MYCBPAP: variants seen among roughly 807,000 people sequenced by gnomAD.
MYCBPAP encodes MYCBP-associated protein.
MYCBPAP carries 60 observed loss-of-function variants against 106.1 expected under a neutral mutation model. The ratio of observed to expected loss-of-function variants is 0.57; its 90% CI spans 0.46 to 0.70. MYCBPAP has a LOEUF of 0.70. Ranked by LOEUF, MYCBPAP falls within the 30% of genes least tolerant of loss-of-function variation. MYCBPAP has a pLI of 0.00. For missense variants in MYCBPAP, 1,064 were observed against 1,169.3 expected (o/e 0.91, Z 1.31); for synonymous variants, 407 against 440.6 (o/e 0.92, Z 0.95).
Position 50,529,014 on chromosome 17 carries a change from G to T in MYCBPAP, c.2554-4G>T. ...AGGCTATGTGTGTCTCCCTCCCCCA[G>T]CAGGACCGTCCCAACAGCAAGAAGC... is the stretch of plus-strand genomic sequence containing the variant. On this transcript the variant is annotated splice_polypyrimidine_tract_variant and splice_region_variant and intron_variant, in intron 17 of 18. Transcript: ENST00000323776. 5 of 1,613,352 alleles carry T rather than the reference G, an allele frequency of 3.1e-6. No individual in the cohort carries two copies. Among genetic ancestry groups the T allele is most frequent in the Non-Finnish European group, 4.2e-6 (5 of 1,179,620 alleles).
intron 1 of MYCBPAP, 104 bp from the exon 2 acceptor site, chr17:50,516,466 A>G: frequency 2.4e-6 from 3 of 1,265,534 alleles, no homozygotes; most frequent in Non-Finnish European, 3.2e-6. Context: ...TCTGCCCCCC[A>G]CCATGGAGTC....
Position 50,517,323 on chromosome 17 carries a change from G to A in MYCBPAP, c.235G>A (p.Asp79Asn). 1 of 1,614,098 alleles carries A rather than the reference G, an allele frequency of 6.2e-7. No individual in the cohort carries two copies. The highest frequency in any genetic ancestry group is 8.5e-7 in the Non-Finnish European group (1 of 1,180,020). ...QHIPRLTEKEDKRVITQKFII... is the reference protein window; with the variant it reads ...QHIPRLTEKENKRVITQKFII... ...CATTCCTCGCCTTACTGAAAAGGAA[G>A]ATAAACGTGTCATCACCCAGAAATT... Residue 79 changes from aspartate to asparagine, a missense_variant, in exon 3 of 19, where the codon GAT (aspartate) becomes AAT (asparagine). By Grantham distance (23) the Asp-to-Asn change is conservative. Coordinates refer to ENST00000323776, the MANE Select transcript of MYCBPAP (RefSeq NM_032133.6).
At chr17:50,526,397 T>G in intron 14 of MYCBPAP, 130 bp downstream of exon 14, 8 of 706,236 alleles carry the variant, frequency 1.1e-5, no homozygotes, top group South Asian at 2.9e-5. Context: ...AAGTGATCTC[T>G]TGGGTTATCT....
upstream of MYCBPAP, chr17:50,508,274 C>A: frequency 2.7e-6 from 1 of 372,592 alleles, no homozygotes; most frequent in Non-Finnish European, 4.8e-6. Flanking sequence ...AGCAGCAGGG[C>A]GGGGCGAGGC....
chr17:50,521,219 C>T lies in MYCBPAP; in HGVS notation c.1026C>T (p.Ser342=), dbSNP rs2034247075. The T allele has an allele frequency of 2.5e-6, 4 of 1,611,458 alleles. No homozygotes were observed. In the South Asian group the frequency reaches 4.4e-5, roughly 18 times the overall value. The change falls in exon 8 of 19, where the codon AGC becomes AGT. Residue 342 remains serine, a synonymous_variant. Transcript: ENST00000323776. ...GAATCATGGAAGAGCTGGATTTCAG[C>T]CAGCAGGTTGGTATGGCCTCCATGC... ...LQRIMEELDF[S]QQDIDGLEVV... is the part of the protein sequence containing the mutation.
chr17:50,515,702 G>A (rs1179235638), intron 1 of MYCBPAP, among the ~76,000 whole-genome samples: 1 of 152,184 alleles, frequency 6.6e-6, no homozygotes, highest in African/African-American at 2.4e-5. Flanking sequence ...AATAACTTGG[G>A]AACCACTGAT....
At chr17:50,523,918 T>C in intron 12 of MYCBPAP, 134 bp downstream of exon 12, 1 of 877,388 alleles carries the variant, frequency 1.1e-6, no homozygotes, top group Admixed American at 3.0e-5. Context: ...AGGTAACTAC[T>C]CTTGCTCCAC....
At chr17:50,522,709 A>AAAAAAATATATATATATATATATATAT in intron 10 of MYCBPAP, 2 of 50,038 alleles carry the variant, frequency 4.0e-5, no homozygotes, top group African/African-American at 2.4e-4. Context: ...AAAAAAAAAA[A>AAAAAAATATATATATATATATATATAT]ATATATATAT....
chr17:50,520,026 G>A, intron 7 of MYCBPAP: 1 of 465,470 alleles, frequency 2.1e-6, no homozygotes, highest in South Asian at 3.1e-5. Flanking sequence ...GCCGTCCAGT[G>A]TGGAGCCTTG....
chr17:50,523,729 T>G lies in MYCBPAP; in HGVS notation c.1580T>G (p.Leu527Arg). ...GGAGGTGCTATACTGCAGGTCAATC[T>G]CCACGCGGTCTCCCTGACCCAGGAC... ...LLGGAILQVN[L>R]HAVSLTQDVF... is the part of the protein sequence containing the mutation. The change falls in exon 12 of 19, where the codon CTC becomes CGC. Residue 527 changes from leucine to arginine, a missense_variant. Transcript: ENST00000323776. 6.2e-7 allele frequency: 1 copy of G among 1,614,174 alleles called. No homozygotes were observed. Among genetic ancestry groups the G allele is most frequent in the Non-Finnish European group, 8.5e-7 (1 of 1,180,022 alleles).
rs571792181 is a variant in MYCBPAP, at chr17:50,529,073, C to T, written c.2609C>T (p.Ser870Phe). The change falls in exon 18 of 19, where the codon TCT (serine) becomes TTT (phenylalanine). Residue 870 changes from serine (S) to phenylalanine (F), a missense_variant. Transcript: ENST00000323776. ...KAKDDKKVIKSASQDRFSLED... is the reference protein window; with the variant it reads ...KAKDDKKVIKFASQDRFSLED... ...AAGGATGACAAGAAAGTCATAAAAT[C>T]TGCAAGTCAGGACAGGTTTTCTTTG... 6.2e-7 allele frequency: 1 copy of T among 1,614,148 alleles called. No individual in the cohort carries two copies. Among genetic ancestry groups the T allele is most frequent in the East Asian group, 2.2e-5 (1 of 44,882 alleles).
In MYCBPAP at chr17:50,519,017, G is replaced by C; in HGVS notation, c.696G>C (p.Gly232=). 1 of 1,614,106 alleles carries C rather than the reference G, an allele frequency of 6.2e-7. No homozygotes were observed. Among genetic ancestry groups the C allele is most frequent in the South Asian group, 1.1e-5 (1 of 91,080 alleles). ...TGAGTGAGCTGCTCATGCACACCGG[G>C]GAGACCTACAGACGGATCCAGGAGG... The part of the protein sequence containing the change: ...KPVSELLMHT[G]ETYRRIQEER... Residue 232 remains glycine, a synonymous_variant, in exon 6 of 19, where the codon GGG becomes GGC. Coordinates refer to ENST00000323776, the MANE Select transcript of MYCBPAP (RefSeq NM_032133.6).
chr17:50,525,659 C>CCCTTT (rs1555621575), intron 13 of MYCBPAP, among the ~76,000 whole-genome samples: 5 of 131,364 alleles, frequency 3.8e-5, no homozygotes, highest in Admixed American at 1.6e-4. Context: ...GCTAATTTCT[C>CCCTTT]TTTTTTTTTT....
At chr17:50,527,560 C>A in intron 15 of MYCBPAP, 152 bp downstream of exon 15, 2 of 949,978 alleles carry the variant, frequency 2.1e-6, no homozygotes, top group Non-Finnish European at 3.1e-6. Flanking sequence ...TTCTGGAACC[C>A]TGCAGTGCCT....
rs766137555 is a variant in MYCBPAP at position 50,522,931 on chromosome 17, C to T, written c.1258-8C>T. The T allele has an allele frequency of 4.4e-6, 7 of 1,605,054 alleles. No homozygotes were observed. Among genetic ancestry groups the T allele is most frequent in the African/African-American group, 1.3e-5 (1 of 74,700 alleles). On this transcript the variant is annotated splice_region_variant and splice_polypyrimidine_tract_variant and intron_variant, in intron 10 of 18. Transcript: ENST00000323776. ...AGCAAAGACATTTCTTGTCCCTCCTCCTTCCAGAGGCAGGTTGGGATTGCT... is the reference window on the plus strand; with the variant it reads ...AGCAAAGACATTTCTTGTCCCTCCTTCTTCCAGAGGCAGGTTGGGATTGCT...
At chr17:50,521,066 A>G in intron 7 of MYCBPAP, 44 bp from the exon 8 acceptor site, 1 of 1,508,874 alleles carries the variant, frequency 6.6e-7, no homozygotes, top group Non-Finnish European at 9.1e-7. Flanking sequence ...GAGCAAGGGG[A>G]CATGGCAGCA....
chr17:50,527,466 G>A, intron 15 of MYCBPAP, 58 bp downstream of exon 15: 3 of 1,601,632 alleles, frequency 1.9e-6, no homozygotes, highest in Non-Finnish European at 2.6e-6. Context: ...ATCTGCAGGG[G>A]TCCTGGGCAG....
At chr17:50,516,267 G>C (rs900394601) in intron 1 of MYCBPAP, among the ~76,000 whole-genome samples, 2 of 152,196 alleles carry the variant, frequency 1.3e-5, no homozygotes, top group Admixed American at 1.3e-4. Context: ...TGGGATTACA[G>C]GCATGAGCCA....
chr17:50,519,114 C>T (rs140431517), intron 6 of MYCBPAP, 25 bp downstream of exon 6: 28 of 722,928 alleles, frequency 3.9e-5, no homozygotes, highest in Middle Eastern at 2.8e-4. Context: ...CCTAAGTGCC[C>T]GGGGGCAGGG....
Sources: allele counts gnomAD v4.1 joint callset (sites outside exome capture counted in the v4.1 genomes callset), GRCh38; gene constraint gnomAD v4.1.1; transcripts MANE v1.5; gene names NCBI Gene and HGNC (gene_info 2026-07-23, HGNC 2026-07-21).